Variants in MACROD2 observed in about 807,000 individuals in gnomAD.
MACROD2 encodes ADP-ribose glycohydrolase MACROD2.
A neutral mutation model predicts 70.4 loss-of-function variants in MACROD2; 36 were observed. The ratio of observed to expected loss-of-function variants is 0.51; its 90% CI spans 0.39 to 0.68. The LOEUF (loss-of-function observed/expected upper bound fraction) is 0.68, where lower values mean the gene tolerates loss of function less well. Ranked by LOEUF, MACROD2 falls within the 30% of genes least tolerant of loss-of-function variation. The pLI is 0.00. For missense variants in MACROD2, 496 were observed against 538.4 expected, an observed-to-expected ratio of 0.92 and a Z score of 0.78; for synonymous variants, 172 against 178.8, an observed-to-expected ratio of 0.96 and a Z score of 0.30.
chr20:14,803,081 A>AC (rs1415799246), intron 5 of MACROD2, among the ~76,000 whole-genome samples: 2 of 152,062 alleles, frequency 1.3e-5, no homozygotes, highest in East Asian at 3.8e-4. Flanking sequence ...CCCATCACTC[A>AC]CATACAATTT....
At chr20:14,993,508 A>C (rs774119923) in intron 5 of MACROD2, among the ~76,000 whole-genome samples, 2 of 152,174 alleles carry the variant, frequency 1.3e-5, no homozygotes, top group Non-Finnish European at 2.9e-5. Flanking sequence ...CCTCACAAAA[A>C]TATTTTGTCA....
intron 2 of MACROD2, among the ~76,000 whole-genome samples, chr20:14,007,146 A>C (rs1335050947): frequency 6.6e-6 from 1 of 152,198 alleles, no homozygotes; most frequent in Non-Finnish European, 1.5e-5. Context: ...AAATAGTGGT[A>C]TGTGAATTTT....
chr20:14,811,175 T>C (rs558585225), intron 5 of MACROD2, among the ~76,000 whole-genome samples: 1 of 152,240 alleles, frequency 6.6e-6, no homozygotes, highest in East Asian at 1.9e-4. Flanking sequence ...TCACATTACC[T>C]GACTTCAAAG....
At chr20:14,131,198 G>A (rs1454616369) in intron 3 of MACROD2, among the ~76,000 whole-genome samples, 2 of 152,070 alleles carry the variant, frequency 1.3e-5, no homozygotes, top group African/African-American at 2.4e-5. Flanking sequence ...TTCTTTAAAT[G>A]TATACTCTTC....
intron 5 of MACROD2, among the ~76,000 whole-genome samples, chr20:14,983,924 G>A (rs1285921020): frequency 1.3e-5 from 2 of 152,176 alleles, no homozygotes; most frequent in Non-Finnish European, 2.9e-5. Context: ...TAGAATTCAT[G>A]TCAGTCATTG....
chr20:14,679,483 C>T (rs376317950), intron 4 of MACROD2, among the ~76,000 whole-genome samples: 13 of 152,114 alleles, frequency 8.5e-5, no homozygotes, highest in African/African-American at 2.7e-4. Flanking sequence ...AGGGTCTAAA[C>T]ACCTTAATTT....
chr20:15,776,619 C>T (rs1468385828), intron 8 of MACROD2, among the ~76,000 whole-genome samples: 1 of 152,170 alleles, frequency 6.6e-6, no homozygotes, highest in Non-Finnish European at 1.5e-5. Flanking sequence ...TGCTGATATA[C>T]ATTGATACTC....
At chr20:15,855,223 C>T (rs138591548) in intron 8 of MACROD2, among the ~76,000 whole-genome samples, 309 of 152,318 alleles carry the variant, frequency 2.0e-3, no homozygotes, top group African/African-American at 5.7e-3. Context: ...AAACCTGCTT[C>T]GCTGTGTCAC....
chr20:15,362,109 T>A (rs2078359266), intron 6 of MACROD2, among the ~76,000 whole-genome samples: 1 of 151,930 alleles, frequency 6.6e-6, no homozygotes, highest in South Asian at 2.1e-4. Flanking sequence ...CCTCCCGGGT[T>A]CAAGCGATTC....
In MACROD2 at chr20:14,639,701, A is replaced by G. The variant is rs558731606; in HGVS notation, c.302-45142A>G. ...TGCAGTTCACAGTCCTTTAGCCAAC[A>G]GCAACTCTACACCATCAAAAGTAGG... On this transcript the variant is annotated intron_variant, in intron 4 of 17. Transcript: ENST00000684519. 3.9e-5 allele frequency among the ~76,000 whole-genome samples: 6 copies of G among 152,316 alleles called. No individual in the cohort carries two copies. In the South Asian group the frequency reaches 1.2e-3, roughly 32 times the overall value.
intron 10 of MACROD2, among the ~76,000 whole-genome samples, chr20:15,901,943 T>G (rs542270573): frequency 6.6e-5 from 10 of 152,346 alleles, no homozygotes; most frequent in African/African-American, 2.4e-4. Context: ...GGCTGGGCTA[T>G]TCTTACTGCC....
intron 4 of MACROD2, among the ~76,000 whole-genome samples, chr20:14,515,818 A>C (rs934628703): frequency 5.9e-5 from 9 of 151,922 alleles, no homozygotes; most frequent in South Asian, 4.1e-4. Context: ...ATAAGGTATT[A>C]TGTATTTCAA....
At chr20:14,209,979 G>GA in intron 3 of MACROD2, among the ~76,000 whole-genome samples, 1 of 151,900 alleles carries the variant, frequency 6.6e-6, no homozygotes, top group African/African-American at 2.4e-5. Context: ...ACTGTATTTT[G>GA]AAAAAAAGAA....
intron 5 of MACROD2, among the ~76,000 whole-genome samples, chr20:15,201,861 A>G (rs899595403): frequency 1.3e-5 from 2 of 152,196 alleles, no homozygotes; most frequent in African/African-American, 4.8e-5. Context: ...TGGGGTCTGA[A>G]CAGTGTTAAT....
At chr20:15,185,180 C>T (rs1327683812) in intron 5 of MACROD2, among the ~76,000 whole-genome samples, 1 of 152,128 alleles carries the variant, frequency 6.6e-6, no homozygotes, top group Non-Finnish European at 1.5e-5. Flanking sequence ...TTCCCATAAA[C>T]ATTTGTCAAA....
rs915980075 is a variant in MACROD2 at position 15,306,369 on chromosome 20, A to G, written c.540+76308A>G. Reference sequence around the variant, plus strand: ...CTAATAACTCAGGTTCTGAGCACTTATTATGTGCCATGCGCATGCTAAATA... The same window carrying G: ...CTAATAACTCAGGTTCTGAGCACTTGTTATGTGCCATGCGCATGCTAAATA... On this transcript the variant is annotated intron_variant, in intron 6 of 17. Transcript: ENST00000684519. Among the ~76,000 whole-genome samples the G allele has an allele frequency of 3.3e-5, 5 of 152,330 alleles. No homozygotes were observed. The East Asian group carries it at 9.6e-4, about 29-fold the overall frequency.
At chr20:14,757,552 C>G (rs920352209) in intron 5 of MACROD2, 5 of 863,114 alleles carry the variant, frequency 5.8e-6, no homozygotes, top group Admixed American at 2.0e-5. Context: ...CCGGACCCTA[C>G]AGCCATCAAG....
At chr20:14,715,933 A>G (rs1024587611) in intron 5 of MACROD2, among the ~76,000 whole-genome samples, 1 of 152,226 alleles carries the variant, frequency 6.6e-6, no homozygotes, top group Non-Finnish European at 1.5e-5. Context: ...TTTGAGAGGA[A>G]GGTAATGTGA....
intron 10 of MACROD2, among the ~76,000 whole-genome samples, chr20:15,924,876 G>A (rs191518623): frequency 6.6e-6 from 1 of 152,302 alleles, no homozygotes; most frequent in Admixed American, 6.5e-5. Flanking sequence ...TTAAACAAAT[G>A]TGTAGGCTCA....
Sources: allele counts gnomAD v4.1 joint callset (sites outside exome capture counted in the v4.1 genomes callset), GRCh38; gene constraint gnomAD v4.1.1; transcripts MANE v1.5; gene names NCBI Gene and HGNC (gene_info 2026-07-23, HGNC 2026-07-21).